HS6ST3: variants seen among roughly 807,000 people sequenced by gnomAD.
HS6ST3 encodes heparan sulfate 6-O-sulfotransferase 3, also known as heparan-sulfate 6-O-sulfotransferase 3.
HS6ST3 carries 12 observed loss-of-function variants against 36.7 expected under a neutral mutation model. That is an observed-to-expected ratio of 0.33 (90% CI 0.21 to 0.53). The LOEUF is 0.53. Among genes scored for constraint, HS6ST3 ranks in the 20% least tolerant of loss-of-function variants. The pLI is 0.95. For missense variants in HS6ST3, 584 were observed against 640.9 expected (o/e 0.91, Z 0.96); for synonymous variants, 240 against 257.5 (o/e 0.93, Z 0.65).
intron 1 of HS6ST3, among the ~76,000 whole-genome samples, chr13:96,740,338 CA>C (rs1876406789): frequency 6.6e-6 from 1 of 152,078 alleles, no homozygotes; most frequent in Admixed American, 6.5e-5. Context: ...AGAATGAACA[CA>C]AAGGCTCCTC....
chr13:96,297,652 A>C (rs1327588926), intron 1 of HS6ST3, among the ~76,000 whole-genome samples: 1 of 151,962 alleles, frequency 6.6e-6, no homozygotes, highest in Admixed American at 6.6e-5. Flanking sequence ...TCTTTTTTCT[A>C]AGTATAGTTC....
intron 1 of HS6ST3, among the ~76,000 whole-genome samples, chr13:96,209,881 T>C (rs913676621): frequency 1.3e-5 from 2 of 152,226 alleles, no homozygotes; most frequent in African/African-American, 4.8e-5. Context: ...CCAGACTTGA[T>C]GACATTGTCC....
At position 96,090,563 on chromosome 13, in the gene HS6ST3, C is replaced by T. The variant is rs2053755642; in HGVS notation, c.-300C>T. ...TGCCGCGCGTCGCCTGAGAGAGCCGCGCCGGGGCGGGAGCAGGGAGCGGGC... is the reference window on the plus strand; with the variant it reads ...TGCCGCGCGTCGCCTGAGAGAGCCGTGCCGGGGCGGGAGCAGGGAGCGGGC... On this transcript the variant is annotated 5_prime_UTR_variant, in exon 1 of 2. Coordinates refer to ENST00000376705, the MANE Select transcript of HS6ST3 (RefSeq NM_153456.4). Among the ~76,000 whole-genome samples the T allele has an allele frequency of 6.8e-6, 1 of 146,180 alleles. No homozygotes were observed. Among genetic ancestry groups the T allele is most frequent in the African/African-American group, 2.4e-5 (1 of 40,820 alleles).
intron 1 of HS6ST3, among the ~76,000 whole-genome samples, chr13:96,138,376 T>A (rs963429594): frequency 6.7e-6 from 1 of 149,886 alleles, no homozygotes; most frequent in Non-Finnish European, 1.5e-5. Flanking sequence ...ATAACATATA[T>A]AAATATATAT....
At chr13:96,173,773 G>GA (rs1045565699) in intron 1 of HS6ST3, among the ~76,000 whole-genome samples, 1 of 149,024 alleles carries the variant, frequency 6.7e-6, no homozygotes, top group Admixed American at 6.7e-5. Context: ...TAGTAAATAA[G>GA]AAAAAAAATC....
chr13:96,744,094 A>G (rs1056998184), intron 1 of HS6ST3, among the ~76,000 whole-genome samples: 1 of 152,052 alleles, frequency 6.6e-6, no homozygotes, highest in Non-Finnish European at 1.5e-5. Flanking sequence ...GAAGTTAAAC[A>G]TGTAAAATGT....
At chr13:96,303,334 T>A (rs1276494044) in intron 1 of HS6ST3, among the ~76,000 whole-genome samples, 1 of 152,212 alleles carries the variant, frequency 6.6e-6, no homozygotes, top group East Asian at 1.9e-4. Flanking sequence ...ACTGCAGAGA[T>A]CTGGGCTGCT....
chr13:96,297,870 A>G (rs961237277), intron 1 of HS6ST3, among the ~76,000 whole-genome samples: 1 of 152,174 alleles, frequency 6.6e-6, no homozygotes, highest in African/African-American at 2.4e-5. Context: ...AGCTTCTCTT[A>G]TTCCCTACAA....
At chr13:96,536,705 A>C (rs917675146) in intron 1 of HS6ST3, among the ~76,000 whole-genome samples, 11 of 152,218 alleles carry the variant, frequency 7.2e-5, no homozygotes, top group Admixed American at 5.2e-4. Flanking sequence ...ACCCTCTACC[A>C]TTTTTCAGGA....
intron 1 of HS6ST3, among the ~76,000 whole-genome samples, chr13:96,570,008 A>G (rs945067072): frequency 1.3e-5 from 2 of 152,212 alleles, no homozygotes; most frequent in Non-Finnish European, 2.9e-5. Flanking sequence ...CTGCATCATT[A>G]ACTTGAAGGG....
chr13:96,234,067 CTCTT>C (rs1262252103), intron 1 of HS6ST3, among the ~76,000 whole-genome samples: 2 of 151,004 alleles, frequency 1.3e-5, no homozygotes, highest in Non-Finnish European at 2.9e-5. Context: ...ATAAACAAGA[CTCTT>C]TCTTTTGGGT....
intron 1 of HS6ST3, among the ~76,000 whole-genome samples, chr13:96,494,084 G>A (rs150709496): frequency 4.6e-5 from 7 of 152,142 alleles, no homozygotes; most frequent in Non-Finnish European, 8.8e-5. Context: ...TTACAGATGC[G>A]TAGAACCACG....
intron 1 of HS6ST3, among the ~76,000 whole-genome samples, chr13:96,612,272 A>G (rs2056459544): frequency 1.3e-5 from 2 of 152,020 alleles, no homozygotes; most frequent in African/African-American, 4.8e-5. Context: ...CCCTTTCTTC[A>G]CATTTTTCAT....
intron 1 of HS6ST3, among the ~76,000 whole-genome samples, chr13:96,823,388 A>T (rs1047958221): frequency 6.6e-6 from 1 of 152,206 alleles, no homozygotes; most frequent in Non-Finnish European, 1.5e-5. Context: ...ATTATGACAC[A>T]TCCATAAATG....
intron 1 of HS6ST3, among the ~76,000 whole-genome samples, chr13:96,210,527 G>T (rs116755982): frequency 6.6e-6 from 1 of 151,722 alleles, no homozygotes. Flanking sequence ...TATTTGTTTC[G>T]ATCACATGAA....
At chr13:96,739,219 T>TTGTGTGTGTGTGAG (rs1876370287) in intron 1 of HS6ST3, among the ~76,000 whole-genome samples, 3 of 126,234 alleles carry the variant, frequency 2.4e-5, no homozygotes, top group African/African-American at 8.7e-5. Flanking sequence ...CGACATTTGC[T>TTGTGTGTGTGTGAG]TGTGTGTGTG....
At chr13:96,771,347 C>G (rs1369061559) in intron 1 of HS6ST3, among the ~76,000 whole-genome samples, 1 of 151,550 alleles carries the variant, frequency 6.6e-6, no homozygotes, top group Admixed American at 6.6e-5. Flanking sequence ...GTGCAGCACA[C>G]CAACATGGCA....
At chr13:96,821,339 A>G (rs1878530588) in intron 1 of HS6ST3, among the ~76,000 whole-genome samples, 2 of 152,178 alleles carry the variant, frequency 1.3e-5, no homozygotes, top group African/African-American at 4.8e-5. Flanking sequence ...TTCATTTTGC[A>G]TCTAGAGCTT....
At chr13:96,248,816 T>C (rs1348961331) in intron 1 of HS6ST3, among the ~76,000 whole-genome samples, 1 of 152,214 alleles carries the variant, frequency 6.6e-6, no homozygotes, top group Non-Finnish European at 1.5e-5. Flanking sequence ...AGATGAGGAA[T>C]GCCTGTTATT....
Sources: allele counts gnomAD v4.1 joint callset (sites outside exome capture counted in the v4.1 genomes callset), GRCh38; gene constraint gnomAD v4.1.1; transcripts MANE v1.5; gene names NCBI Gene and HGNC (gene_info 2026-07-23, HGNC 2026-07-21).